The following ZCCHC7 variants were observed in gnomAD, a reference collection of about 807,000 sequenced individuals.
ZCCHC7 encodes zinc finger CCHC-type containing 7.
Under a neutral mutation model 52.0 loss-of-function variants are expected in ZCCHC7, and 35 were observed. That is an observed-to-expected ratio of 0.67 (90% CI 0.51 to 0.89). The LOEUF is 0.89. Ranked by LOEUF, ZCCHC7 falls within the 40% of genes least tolerant of loss-of-function variation. ZCCHC7 has a pLI of 0.00. For synonymous variants in ZCCHC7, 217 were observed against 221.5 expected (o/e 0.98, Z 0.18); for missense variants, 574 against 649.1 (o/e 0.88, Z 1.26).
intron 2 of ZCCHC7, among the ~76,000 whole-genome samples, chr9:37,222,253 T>C (rs1824853918): frequency 6.7e-6 from 1 of 149,720 alleles, no homozygotes; most frequent in African/African-American, 2.5e-5. Context: ...CTGCCAGATA[T>C]TAAATTTGAT....
chr9:37,153,800 A>C (rs769287330), intron 2 of ZCCHC7, among the ~76,000 whole-genome samples: 62 of 152,052 alleles, frequency 4.1e-4, no homozygotes, highest in Non-Finnish European at 6.0e-4. Flanking sequence ...TGGTTTCTTT[A>C]ATTGGAGAAT....
chr9:37,281,463 G>A (rs1405769315), intron 2 of ZCCHC7, among the ~76,000 whole-genome samples: 1 of 152,168 alleles, frequency 6.6e-6, no homozygotes, highest in Non-Finnish European at 1.5e-5. Context: ...CTCTTTATGT[G>A]CAACTTCTTT....
intron 2 of ZCCHC7, among the ~76,000 whole-genome samples, chr9:37,203,880 C>T (rs1564176460): frequency 6.6e-6 from 1 of 152,140 alleles, no homozygotes; most frequent in Non-Finnish European, 1.5e-5. Flanking sequence ...GAGTAATTGC[C>T]ACACTGTCTT....
At chr9:37,236,083 GATC>G (rs1825637914) in intron 2 of ZCCHC7, among the ~76,000 whole-genome samples, 2 of 152,092 alleles carry the variant, frequency 1.3e-5, no homozygotes, top group African/African-American at 4.8e-5. Context: ...GGGATTGCTG[GATC>G]ATATGGTAGC....
At chr9:37,298,551 A>G (rs974859186) in intron 2 of ZCCHC7, among the ~76,000 whole-genome samples, 4 of 152,192 alleles carry the variant, frequency 2.6e-5, no homozygotes, top group African/African-American at 4.8e-5. Flanking sequence ...GTATAATTCC[A>G]TATATGTGAG....
chr9:37,239,545 A>G (rs1256989807), intron 2 of ZCCHC7, among the ~76,000 whole-genome samples: 1 of 152,214 alleles, frequency 6.6e-6, no homozygotes, highest in East Asian at 1.9e-4. Flanking sequence ...TAAGCATGGG[A>G]TACTGCCTTA....
intron 2 of ZCCHC7, among the ~76,000 whole-genome samples, chr9:37,263,388 A>C (rs1298248770): frequency 6.6e-6 from 1 of 152,028 alleles, no homozygotes; most frequent in Admixed American, 6.6e-5. Flanking sequence ...TGAAAAAAAA[A>C]CCTGTGGTTT....
intron 2 of ZCCHC7, among the ~76,000 whole-genome samples, chr9:37,275,172 A>G (rs1345421529): frequency 1.3e-5 from 2 of 152,200 alleles, no homozygotes; most frequent in South Asian, 2.1e-4. Flanking sequence ...AGTGAAACCC[A>G]TGCTCTCAGG....
intron 2 of ZCCHC7, among the ~76,000 whole-genome samples, chr9:37,165,777 TAAAA>T (rs1821384971): frequency 6.6e-6 from 1 of 152,112 alleles, no homozygotes; most frequent in African/African-American, 2.4e-5. Context: ...AGTGTGAAAA[TAAAA>T]TATAAAAACT....
Position 37,126,858 on chromosome 9 carries a change from T to A in ZCCHC7, c.526T>A (p.Trp176Arg), listed in dbSNP as rs1255286966. Residue 176 changes from tryptophan (W) to arginine (R), a missense_variant, in exon 2 of 9, where the codon TGG (tryptophan) becomes AGG (arginine). Trp to Arg is a moderately radical substitution (Grantham distance 101, BLOSUM62 -3). This residue lies in a region of ZCCHC7 where 403 missense variants were observed against 461.2 expected (regional missense o/e 0.87). Coordinates refer to ENST00000336755, the MANE Select transcript of ZCCHC7 (RefSeq NM_032226.3). ...TTCAGAAGGTGATAATGTGGAAAGC[T>A]GGATGCTACTGGGATGTGAAGTAGA... Reference protein sequence around the residue: ...TISEGDNVESWMLLGCEVDDK... With the variant: ...TISEGDNVESRMLLGCEVDDK... The A allele has an allele frequency of 6.2e-7, 1 of 1,614,166 alleles. No individual in the cohort carries two copies. The highest frequency in any genetic ancestry group is 1.1e-5 in the South Asian group (1 of 91,088).
At chr9:37,215,513 G>A (rs1052972097) in intron 2 of ZCCHC7, among the ~76,000 whole-genome samples, 11 of 152,156 alleles carry the variant, frequency 7.2e-5, no homozygotes, top group African/African-American at 2.4e-4. Flanking sequence ...ATCTGAAGTC[G>A]CAACTTAATA....
At chr9:37,137,667 C>G (rs529298839) in intron 2 of ZCCHC7, among the ~76,000 whole-genome samples, 1 of 152,094 alleles carries the variant, frequency 6.6e-6, no homozygotes, top group Admixed American at 6.6e-5. Flanking sequence ...AGCTGTTTAA[C>G]GTGTATTTTG....
chr9:37,150,966 G>GTTT (rs1316435254), intron 2 of ZCCHC7, among the ~76,000 whole-genome samples: 5 of 130,594 alleles, frequency 3.8e-5, no homozygotes, highest in East Asian at 2.2e-4. Flanking sequence ...GGGTTTTTTT[G>GTTT]TTTTTTTTTT....
chr9:37,298,922 G>A (rs1828911049), intron 2 of ZCCHC7, among the ~76,000 whole-genome samples: 1 of 151,986 alleles, frequency 6.6e-6, no homozygotes. Flanking sequence ...TTGTCACCTT[G>A]TCCTCTACTA....
intron 1 of ZCCHC7, among the ~76,000 whole-genome samples, chr9:37,123,244 A>T (rs1842404996): frequency 6.6e-6 from 1 of 150,458 alleles, no homozygotes; most frequent in African/African-American, 2.5e-5. Flanking sequence ...TGTGTGTGTA[A>T]AAAACATATA....
At chr9:37,176,580 A>G (rs934922218) in intron 2 of ZCCHC7, among the ~76,000 whole-genome samples, 5 of 151,796 alleles carry the variant, frequency 3.3e-5, no homozygotes, top group African/African-American at 1.2e-4. Flanking sequence ...ATATGTAATT[A>G]TATTTTAATA....
At chr9:37,312,542 TG>T (rs1233589658) in intron 5 of ZCCHC7, among the ~76,000 whole-genome samples, 1 of 152,226 alleles carries the variant, frequency 6.6e-6, no homozygotes, top group African/African-American at 2.4e-5. Flanking sequence ...ATGTAGAAAG[TG>T]TGACGTAGAC....
In ZCCHC7 at chr9:37,269,236, C is replaced by T. The variant is rs551150102; in HGVS notation, c.611-32952C>T. On this transcript the variant is annotated intron_variant, in intron 2 of 8. Coordinates refer to ENST00000336755, the MANE Select transcript of ZCCHC7 (RefSeq NM_032226.3). Reference sequence around the variant, plus strand: ...TTGTAGGCCATGTTAAGGTTTTGAACGTTATTTTTAGAGCAGTTGCTAATG... The same window carrying T: ...TTGTAGGCCATGTTAAGGTTTTGAATGTTATTTTTAGAGCAGTTGCTAATG... Among the ~76,000 whole-genome samples, 6 of 152,112 alleles carry T rather than the reference C, an allele frequency of 3.9e-5. No individual in the cohort carries two copies. In the South Asian group the frequency reaches 8.3e-4, roughly 21 times the overall value.
chr9:37,320,606 A>G (rs1830011709), intron 5 of ZCCHC7, among the ~76,000 whole-genome samples: 1 of 152,154 alleles, frequency 6.6e-6, no homozygotes. Flanking sequence ...TTTAGCCTCC[A>G]TTATCAGATT....
Sources: allele counts gnomAD v4.1 joint callset (sites outside exome capture counted in the v4.1 genomes callset), GRCh38; gene constraint gnomAD v4.1.1; regional missense constraint gnomAD v4.1.1; transcripts MANE v1.5; gene names NCBI Gene and HGNC (gene_info 2026-07-23, HGNC 2026-07-21).